The following SEM1 variants were observed in gnomAD, a reference collection of about 807,000 sequenced individuals.
SEM1 encodes 26S proteasome complex subunit SEM1.
SEM1 carries 3 observed loss-of-function variants against 12.7 expected under a neutral mutation model. The observed-to-expected ratio is 0.24, with a 90% CI of 0.11 to 0.61. SEM1 has a LOEUF of 0.61. Ranked by LOEUF, SEM1 falls within the 20% of genes least tolerant of loss-of-function variation. The pLI is 0.88. For missense variants in SEM1, 59 were observed against 81.3 expected, an observed-to-expected ratio of 0.73 and a Z score of 1.06; for synonymous variants, 30 against 27.8, an observed-to-expected ratio of 1.08 and a Z score of -0.25.
At chr7:96,515,941 G>A (rs941476901) in intron 2 of SEM1, among the ~76,000 whole-genome samples, 1 of 151,790 alleles carries the variant, frequency 6.6e-6, no homozygotes, top group African/African-American at 2.4e-5. Context: ...TGAGTTGATG[G>A]GTGCAGCAAA....
intron 2 of SEM1, among the ~76,000 whole-genome samples, chr7:96,693,864 A>G (rs941361054): frequency 1.3e-5 from 2 of 151,832 alleles, no homozygotes; most frequent in Non-Finnish European, 2.9e-5. Context: ...ACGTACGTTC[A>G]TAGCAGCACT....
intron 1 of SEM1, among the ~76,000 whole-genome samples, chr7:96,703,239 C>T (rs1228105369): frequency 6.6e-6 from 1 of 152,110 alleles, no homozygotes; most frequent in Admixed American, 6.6e-5. Flanking sequence ...GTTTGAGATT[C>T]CGGAGGATTT....
At chr7:96,700,654 T>C (rs1052195315) in intron 1 of SEM1, among the ~76,000 whole-genome samples, 1 of 152,242 alleles carries the variant, frequency 6.6e-6, no homozygotes, top group Non-Finnish European at 1.5e-5. Context: ...GTTCATCACA[T>C]CTTTCAATGA....
chr7:96,690,855 C>T (rs185832122), intron 2 of SEM1, among the ~76,000 whole-genome samples: 1 of 152,132 alleles, frequency 6.6e-6, no homozygotes, highest in Non-Finnish European at 1.5e-5. Context: ...ACTGCAAGCT[C>T]CACCTCCCAG....
chr7:96,705,523 T>C (rs957026911), intron 1 of SEM1, among the ~76,000 whole-genome samples: 2 of 152,090 alleles, frequency 1.3e-5, no homozygotes, highest in African/African-American at 2.4e-5. Context: ...TATGGAAAAG[T>C]AGTCAACGTT....
At chr7:96,553,119 G>A (rs1437606559) in intron 2 of SEM1, among the ~76,000 whole-genome samples, 18 of 152,160 alleles carry the variant, frequency 1.2e-4, no homozygotes, top group East Asian at 7.7e-4. Context: ...AGTAGGTTGC[G>A]AAAATTTTCT....
At chr7:96,616,073 T>G (rs1265029257) in intron 2 of SEM1, among the ~76,000 whole-genome samples, 1 of 152,212 alleles carries the variant, frequency 6.6e-6, no homozygotes, top group Non-Finnish European at 1.5e-5. Context: ...GTGAGACTGT[T>G]GGATCGAATG....
chr7:96,690,241 C>T (rs2115825357), intron 2 of SEM1, among the ~76,000 whole-genome samples: 1 of 152,226 alleles, frequency 6.6e-6, no homozygotes, highest in Non-Finnish European at 1.5e-5. Flanking sequence ...ACTTTAACAG[C>T]AGCAACAAAA....
At chr7:96,505,580 G>A (rs1413440690) in intron 3 of SEM1, among the ~76,000 whole-genome samples, 3 of 152,022 alleles carry the variant, frequency 2.0e-5, no homozygotes, top group African/African-American at 7.2e-5. Context: ...ATTTTAGTCT[G>A]TTTTGGCTGC....
At chr7:96,500,308 G>A (rs1803477068), upstream of SEM1, among the ~76,000 whole-genome samples, 1 of 151,790 alleles carries the variant, frequency 6.6e-6, no homozygotes, top group Admixed American at 6.6e-5. Context: ...TGGCTCTCTG[G>A]GCCAAGTGGG....
downstream of SEM1, chr7:96,622,489 C>T (rs577191842): frequency 9.4e-5 from 60 of 636,470 alleles, no homozygotes; most frequent in South Asian, 1.1e-3. Flanking sequence ...TAGTATTTTC[C>T]TTTCTATCTT....
intron 1 of SEM1, among the ~76,000 whole-genome samples, chr7:96,700,931 AAGT>A (rs533444042): frequency 1.4e-3 from 220 of 152,310 alleles, no homozygotes; most frequent in African/African-American, 5.1e-3. Flanking sequence ...CCACATTATT[AAGT>A]ACTTGTGGAA....
downstream of SEM1, chr7:96,688,123 G>A (rs1789816721): frequency 6.6e-6 from 1 of 152,046 alleles, no homozygotes; most frequent in Admixed American, 6.6e-5. Context: ...GTACATTTAA[G>A]TCATCACAAA....
At chr7:96,656,690 T>C (rs1809191449) in intron 2 of SEM1, 1 of 151,802 alleles carries the variant, frequency 6.6e-6, no homozygotes, top group African/African-American at 2.4e-5. Context: ...ATTAATTTAG[T>C]GGTAAAAGAT....
chr7:96,668,185 TATC>T (rs1451701819), intron 2 of SEM1, among the ~76,000 whole-genome samples: 2 of 152,236 alleles, frequency 1.3e-5, no homozygotes, highest in Non-Finnish European at 2.9e-5. Flanking sequence ...AGTAGGTGTA[TATC>T]ATATTATTTT....
At position 96,709,842 on chromosome 7, in the gene SEM1, T is replaced by A. The variant is rs866731462; in HGVS notation, c.-79A>T. Reference sequence around the variant, plus strand: ...ACTCTTCCTCAAGGAAACGCCACCGTCACTACCGCCTCCGACGCTGACGCT... The same window carrying A: ...ACTCTTCCTCAAGGAAACGCCACCGACACTACCGCCTCCGACGCTGACGCT... On this transcript the variant is annotated 5_prime_UTR_variant, in exon 1 of 3. Coordinates refer to ENST00000248566, the MANE Select transcript of SEM1 (RefSeq NM_006304.2). 9 of 1,331,784 alleles carry A rather than the reference T, an allele frequency of 6.8e-6. No homozygotes were observed. In the South Asian group the frequency reaches 1.1e-4, roughly 16 times the overall value. The allele number at this position is 1,331,784 out of a possible 1,614,324, so 82.5% of individuals were successfully genotyped here. A position where few individuals can be genotyped will look rare whatever the true frequency, so the allele number is the denominator to read the frequency against.
intron 1 of SEM1, 66 bp from the exon 2 acceptor site, chr7:96,694,957 T>C: frequency 8.3e-7 from 1 of 1,208,304 alleles, no homozygotes; most frequent in Non-Finnish European, 1.2e-6. Flanking sequence ...ACAAAAACTT[T>C]GAAAAGCTTG....
At chr7:96,618,845 G>T (rs979275500), downstream of SEM1, among the ~76,000 whole-genome samples, 14 of 152,078 alleles carry the variant, frequency 9.2e-5, no homozygotes, top group African/African-American at 2.7e-4. Flanking sequence ...TACCCACCCA[G>T]GAGGCTGAAG....
intron 2 of SEM1, among the ~76,000 whole-genome samples, chr7:96,569,600 T>C (rs898155619): frequency 6.6e-6 from 1 of 152,106 alleles, no homozygotes; most frequent in Non-Finnish European, 1.5e-5. Flanking sequence ...ATTTCTTACA[T>C]GTATGTATTG....
Sources: gnomAD v4.1 joint callset for allele counts (sites outside exome capture counted in the v4.1 genomes callset) on GRCh38, gnomAD v4.1.1 for gene constraint, MANE v1.5 for transcripts, NCBI Gene and HGNC (gene_info 2026-07-23, HGNC 2026-07-21) for gene names.